The following DAB2 variants were observed in gnomAD, a reference collection of about 807,000 sequenced individuals.
DAB2 encodes the protein DAB adaptor protein 2, also known as disabled homolog 2.
DAB2 carries 28 observed loss-of-function variants against 71.6 expected under a neutral mutation model. The ratio of observed to expected loss-of-function variants is 0.39; its 90% confidence interval spans 0.29 to 0.54. DAB2 has a LOEUF of 0.54. Ranked by LOEUF, DAB2 falls within the 20% of genes least tolerant of loss-of-function variation. The pLI, the probability that DAB2 is intolerant of heterozygous loss-of-function variation, is 0.68. For missense variants in DAB2, 867 were observed against 928.8 expected (o/e 0.93, Z 0.86); for synonymous variants, 345 against 339.7 (o/e 1.02, Z -0.17).
intron 5 of DAB2, 71 bp downstream of exon 5, chr5:39,390,373 A>G: frequency 6.6e-7 from 1 of 1,505,032 alleles, no homozygotes; most frequent in African/African-American, 1.4e-5. Flanking sequence ...TAAATCTTTT[A>G]GTTGAGTGAC....
At chr5:39,420,540 G>T (rs1258880925) in intron 1 of DAB2, among the ~76,000 whole-genome samples, 1 of 152,100 alleles carries the variant, frequency 6.6e-6, no homozygotes, top group Non-Finnish European at 1.5e-5. Flanking sequence ...ATTTTTACCA[G>T]TTGACTTAGT....
intron 1 of DAB2, among the ~76,000 whole-genome samples, chr5:39,405,358 T>C (rs1755588313): frequency 1.3e-5 from 2 of 152,216 alleles, no homozygotes; most frequent in South Asian, 4.1e-4. Context: ...TAACCTCCTC[T>C]GGCTTAGACT....
chr5:39,388,406 T>C, intron 8 of DAB2, 39 bp from the exon 9 acceptor site: 1 of 1,341,480 alleles, frequency 7.5e-7, no homozygotes, highest in South Asian at 1.2e-5. Flanking sequence ...ATGTGTCTAC[T>C]AAAAAAGATT....
chr5:39,397,943 T>G (rs911532906), intron 1 of DAB2, among the ~76,000 whole-genome samples: 2 of 152,184 alleles, frequency 1.3e-5, no homozygotes, highest in Non-Finnish European at 2.9e-5. Context: ...TACCTTCAGA[T>G]CTGTCTTGCT....
chr5:39,378,204 G>T (rs761607201), intron 11 of DAB2, among the ~76,000 whole-genome samples: 21 of 152,172 alleles, frequency 1.4e-4, no homozygotes, highest in Non-Finnish European at 1.9e-4. Context: ...CCAGAATCCA[G>T]GCCTCTCCAA....
chr5:39,373,559 T>A (rs963846772), intron 14 of DAB2, 134 bp from the exon 15 acceptor site: 3 of 152,162 alleles, frequency 2.0e-5, no homozygotes, highest in Admixed American at 2.0e-4. Flanking sequence ...TTGATGAAGA[T>A]GATAAATGTA....
chr5:39,393,809 T>G (rs1755293058), intron 2 of DAB2, among the ~76,000 whole-genome samples: 1 of 152,250 alleles, frequency 6.6e-6, no homozygotes, highest in South Asian at 2.1e-4. Flanking sequence ...AAAGGAATTA[T>G]GCCTAAGTTC....
rs975721422 is a variant in DAB2 at position 39,388,449 on chromosome 5, G to A, written c.625-82C>T. The A allele has an allele frequency of 8.2e-6, 8 of 969,794 alleles. No homozygotes were observed. In the African/African-American group the frequency reaches 1.1e-4, roughly 14 times the overall value. The allele number at this position is 969,794 out of a possible 1,614,324, so 60.1% of individuals were successfully genotyped here. ...ATATTGTAATCATTTGTTTCCTAAA[G>A]TTTAGGAAAGTAGCTGTCACAATTT... On this transcript the variant is annotated intron_variant, in intron 8 of 14. Coordinates refer to ENST00000320816, the MANE Select transcript of DAB2 (RefSeq NM_001343.4).
chr5:39,389,357 G>T (rs1755171299), intron 6 of DAB2, among the ~76,000 whole-genome samples: 1 of 151,460 alleles, frequency 6.6e-6, no homozygotes, highest in South Asian at 2.1e-4. Context: ...CTCATAGAGA[G>T]AAAAAAAATA....
Position 39,386,407 on chromosome 5 carries a change from T to C in DAB2, c.687+1898A>G, listed in dbSNP as rs535444012. ...TGAAAGAGTTGAATATTTTTAAACA[T>C]GCTGGCTTTACCAAGTAGAGATAAA... is the stretch of plus-strand genomic sequence containing the variant. On this transcript the variant is annotated intron_variant, in intron 9 of 14. Coordinates refer to ENST00000320816, the MANE Select transcript of DAB2 (RefSeq NM_001343.4). Among the ~76,000 whole-genome samples the C allele has an allele frequency of 1.2e-4, 19 of 152,334 alleles. No individual in the cohort carries two copies. The South Asian group carries it at 3.9e-3, about 32-fold the overall frequency.
At chr5:39,391,798 G>C (rs1159344021) in intron 4 of DAB2, among the ~76,000 whole-genome samples, 1 of 151,768 alleles carries the variant, frequency 6.6e-6, no homozygotes, top group Non-Finnish European at 1.5e-5. Context: ...CAAAAACAAG[G>C]TTACATCTGT....
chr5:39,411,242 T>G (rs1362916499), intron 1 of DAB2, among the ~76,000 whole-genome samples: 1 of 152,190 alleles, frequency 6.6e-6, no homozygotes, highest in Non-Finnish European at 1.5e-5. Context: ...TTCTGGTTAG[T>G]CTACCCGGGA....
At chr5:39,381,392 G>A in intron 11 of DAB2, 62 bp downstream of exon 11, 1 of 1,513,950 alleles carries the variant, frequency 6.6e-7, no homozygotes, top group Non-Finnish European at 9.1e-7. Context: ...CTCTTCCGAT[G>A]CATCATCATT....
rs762576660 is a variant in DAB2, at chr5:39,382,988, G to A, written c.971C>T (p.Ser324Leu). 35 of 1,613,970 alleles carry A rather than the reference G, an allele frequency of 2.2e-5. No homozygotes were observed. Among genetic ancestry groups the A allele is most frequent in the African/African-American group, 2.7e-5 (2 of 74,894 alleles). ...LKSPDQKKEN[S>L]SSSSTPLSNG... ...ACTCAGCGGAGTAGACGAGCTACTCGAATTCTCTTTCTTCTGATCTGGAGA... is the reference window on the plus strand; with the variant it reads ...ACTCAGCGGAGTAGACGAGCTACTCAAATTCTCTTTCTTCTGATCTGGAGA... The change falls in exon 10 of 15, where the codon TCG becomes TTG. Residue 324 changes from serine (S) to leucine (L), a missense_variant. Ser to Leu is a moderately radical substitution (Grantham distance 145). This residue lies in a region of DAB2 where 740 missense variants were observed against 734.3 expected (regional missense o/e 1.01). Transcript: ENST00000320816.
chr5:39,400,218 A>C (rs1427172941), intron 1 of DAB2, among the ~76,000 whole-genome samples: 3 of 151,986 alleles, frequency 2.0e-5, no homozygotes, highest in Non-Finnish European at 4.4e-5. Flanking sequence ...GGCCTATGAA[A>C]CAGAATGTGT....
At chr5:39,408,607 TA>T (rs1338362391) in intron 1 of DAB2, 1 of 152,236 alleles carries the variant, frequency 6.6e-6, no homozygotes, top group Non-Finnish European at 1.5e-5. Context: ...CTCAAAATAT[TA>T]TCATTTAAAA....
At chr5:39,407,630 C>T (rs1755636416) in intron 1 of DAB2, among the ~76,000 whole-genome samples, 1 of 152,230 alleles carries the variant, frequency 6.6e-6, no homozygotes, top group Admixed American at 6.5e-5. Flanking sequence ...AGATGTGCAG[C>T]ATACCTCACT....
In DAB2 at chr5:39,375,001, A is replaced by G. The variant is rs750643843; in HGVS notation, c.*5+13T>C. 2.6e-6 allele frequency: 4 copies of G among 1,558,974 alleles called. No homozygotes were observed. The East Asian group carries it at 9.0e-5, about 35-fold the overall frequency. On this transcript the variant is annotated intron_variant, in intron 14 of 14. Coordinates refer to ENST00000320816, the MANE Select transcript of DAB2 (RefSeq NM_001343.4). Reference sequence around the variant, plus strand: ...AAACCCCTGAGACAGGCTTATTAGGATCTTCTACTTACAGAATTTAGGCAA... The same window carrying G: ...AAACCCCTGAGACAGGCTTATTAGGGTCTTCTACTTACAGAATTTAGGCAA...
intron 1 of DAB2, among the ~76,000 whole-genome samples, chr5:39,406,204 C>G (rs1755606579): frequency 6.6e-6 from 1 of 152,120 alleles, no homozygotes; most frequent in African/African-American, 2.4e-5. Context: ...AACTAAAGAC[C>G]TGGCACAAGC....
Sources: gnomAD v4.1 joint callset for allele counts (sites outside exome capture counted in the v4.1 genomes callset) on GRCh38, gnomAD v4.1.1 for gene constraint, gnomAD v4.1.1 regional missense constraint, MANE v1.5 for transcripts, NCBI Gene and HGNC (gene_info 2026-07-23, HGNC 2026-07-21) for gene names.